CRTAC1: variants seen among roughly 807,000 people sequenced by gnomAD.
The protein encoded by CRTAC1 is acidic secreted protein in cartilage.
In CRTAC1, 37 loss-of-function variants were observed where a neutral mutation model predicts 67.8. The ratio of observed to expected loss-of-function variants is 0.55; its 90% CI spans 0.42 to 0.72. The LOEUF (loss-of-function observed/expected upper bound fraction) is 0.72, where lower values mean the gene tolerates loss of function less well. Ranked by LOEUF, CRTAC1 falls within the 30% of genes least tolerant of loss-of-function variation. CRTAC1 has a pLI of 0.00. For missense variants in CRTAC1, 780 were observed against 931.6 expected (o/e 0.84, Z 2.12); for synonymous variants, 348 against 371.0 (o/e 0.94, Z 0.71).
At chr10:97,906,991 A>C (rs1027884692) in intron 6 of CRTAC1, among the ~76,000 whole-genome samples, 12 of 152,232 alleles carry the variant, frequency 7.9e-5, no homozygotes, top group African/African-American at 2.9e-4. Context: ...CATGCCTCCA[A>C]GAAGGAGGTG....
At chr10:97,926,857 G>C (rs993661352) in intron 3 of CRTAC1, among the ~76,000 whole-genome samples, 10 of 152,186 alleles carry the variant, frequency 6.6e-5, no homozygotes. Flanking sequence ...ATTGCTTCCA[G>C]ATGCCTGGGA....
chr10:97,941,159 G>A (rs916372368), intron 2 of CRTAC1, among the ~76,000 whole-genome samples: 6 of 150,944 alleles, frequency 4.0e-5, no homozygotes, highest in African/African-American at 1.5e-4. Flanking sequence ...CATCCCCCTC[G>A]GCCTCTCAGC....
chr10:97,910,034 T>C (rs576483899), intron 5 of CRTAC1, among the ~76,000 whole-genome samples: 11 of 151,418 alleles, frequency 7.3e-5, no homozygotes, highest in African/African-American at 2.4e-4. Context: ...AGTAGAATAG[T>C]GTTTACTAGG....
At chr10:97,870,450 G>C (rs74153110) in intron 14 of CRTAC1, 1 of 152,072 alleles carries the variant, frequency 6.6e-6, no homozygotes, top group African/African-American at 2.4e-5. Flanking sequence ...TGGGTCGGGG[G>C]TAGCGAATGG....
chr10:97,877,683 GT>G (rs1270426975), intron 14 of CRTAC1, among the ~76,000 whole-genome samples: 1 of 152,230 alleles, frequency 6.6e-6, no homozygotes, highest in Non-Finnish European at 1.5e-5. Flanking sequence ...TGGAGTCTGA[GT>G]GCTGCAGTGG....
intron 3 of CRTAC1, among the ~76,000 whole-genome samples, chr10:97,933,804 A>T (rs1378932792): frequency 6.6e-6 from 1 of 152,198 alleles, no homozygotes; most frequent in East Asian, 1.9e-4. Context: ...AACTAGCATG[A>T]TTCTGAGATA....
intron 8 of CRTAC1, 67 bp downstream of exon 8, chr10:97,901,436 T>C (rs1361695586): frequency 6.2e-7 from 1 of 1,602,836 alleles, no homozygotes; most frequent in African/African-American, 1.3e-5. Flanking sequence ...TCTTAAACCT[T>C]CTCCCTGACC....
intron 14 of CRTAC1, 106 bp from the exon 15 acceptor site, chr10:97,865,820 G>T: frequency 7.9e-7 from 1 of 1,273,350 alleles, no homozygotes; most frequent in Non-Finnish European, 1.0e-6. Context: ...CTGCTGCCCG[G>T]GGTGGGAGGG....
intron 5 of CRTAC1, among the ~76,000 whole-genome samples, chr10:97,913,477 A>G (rs2050718204): frequency 1.3e-5 from 2 of 152,190 alleles, no homozygotes; most frequent in African/African-American, 4.8e-5. Context: ...GCCTAGGGGT[A>G]TAACCCAGAG....
At chr10:97,878,943 G>T (rs1290823877) in intron 14 of CRTAC1, among the ~76,000 whole-genome samples, 1 of 152,126 alleles carries the variant, frequency 6.6e-6, no homozygotes, top group Admixed American at 6.6e-5. Context: ...GAACATTGTT[G>T]TACGCAACCA....
intron 5 of CRTAC1, among the ~76,000 whole-genome samples, chr10:97,913,967 A>G (rs1179153006): frequency 6.6e-6 from 1 of 152,184 alleles, no homozygotes; most frequent in Admixed American, 6.5e-5. Context: ...TACTGCTCCC[A>G]GCCAACAGCA....
intron 2 of CRTAC1, among the ~76,000 whole-genome samples, chr10:97,943,742 A>G (rs1474403106): frequency 1.3e-5 from 2 of 152,242 alleles, no homozygotes; most frequent in Non-Finnish European, 2.9e-5. Flanking sequence ...ATATGGTTTT[A>G]TTGGAATGCA....
chr10:98,002,909 G>A (rs1205521353), intron 2 of CRTAC1, among the ~76,000 whole-genome samples: 1 of 150,660 alleles, frequency 6.6e-6, no homozygotes, highest in Non-Finnish European at 1.5e-5. Flanking sequence ...CTCCAGAGTA[G>A]CTGGGACTAC....
intron 2 of CRTAC1, among the ~76,000 whole-genome samples, chr10:97,977,837 T>A (rs1035988582): frequency 1.3e-5 from 2 of 152,158 alleles, no homozygotes; most frequent in Non-Finnish European, 2.9e-5. Context: ...GGAACCAATA[T>A]GCTGTGATCA....
intron 2 of CRTAC1, 96 bp from the exon 3 acceptor site, chr10:97,936,462 C>T (rs563349465): frequency 2.0e-5 from 20 of 976,314 alleles, no homozygotes; most frequent in East Asian, 5.2e-5. Context: ...CTCCCGGACA[C>T]GCCATGGGGC....
chr10:97,986,231 T>C (rs773383370), intron 2 of CRTAC1, among the ~76,000 whole-genome samples: 2 of 152,192 alleles, frequency 1.3e-5, no homozygotes, highest in Non-Finnish European at 2.9e-5. Flanking sequence ...AGGAGAGCTC[T>C]AGCATTTGAA....
chr10:97,892,094 C>A (rs1227184700), intron 11 of CRTAC1, among the ~76,000 whole-genome samples: 7 of 152,244 alleles, frequency 4.6e-5, no homozygotes. Flanking sequence ...GTGCAGTGTA[C>A]ATAAGCCTGA....
At chr10:98,020,254 A>C (rs1843089273) in intron 1 of CRTAC1, among the ~76,000 whole-genome samples, 1 of 152,164 alleles carries the variant, frequency 6.6e-6, no homozygotes, top group African/African-American at 2.4e-5. Flanking sequence ...GAGGCACATA[A>C]TTGATATTTT....
intron 12 of CRTAC1, 130 bp downstream of exon 12, chr10:97,884,076 C>T (rs2050248456): frequency 5.8e-6 from 6 of 1,029,960 alleles, no homozygotes; most frequent in East Asian, 2.6e-5. Context: ...CAGTATGAAG[C>T]CTTCGCTTTG....
Sources: allele counts gnomAD v4.1 joint callset (sites outside exome capture counted in the v4.1 genomes callset), GRCh38; gene constraint gnomAD v4.1.1; transcripts MANE v1.5; gene names NCBI Gene and HGNC (gene_info 2026-07-23, HGNC 2026-07-21).